MS4A13: variants seen among roughly 807,000 people sequenced by gnomAD.
The protein encoded by MS4A13 is membrane spanning 4-domains A13.
In MS4A13, 21 loss-of-function variants were observed where a neutral mutation model predicts 18.4. That is an observed-to-expected ratio of 1.14 (90% CI 0.81 to 1.64). MS4A13 has a LOEUF of 1.64. Among genes scored for constraint, MS4A13 ranks in the 40% most tolerant of loss-of-function variants. The pLI is 0.00. For missense variants in MS4A13, 173 were observed against 176.8 expected (o/e 0.98, Z 0.12); for synonymous variants, 62 against 57.2 (o/e 1.08, Z -0.38).
At chr11:60,521,812 A>T (rs1301432342) in intron 3 of MS4A13, among the ~76,000 whole-genome samples, 1 of 152,178 alleles carries the variant, frequency 6.6e-6, no homozygotes, top group Non-Finnish European at 1.5e-5. Flanking sequence ...TCCTGGTGCC[A>T]ATTTATTGTA....
chr11:60,522,231 G>GGTGT (rs2086680399), intron 3 of MS4A13, among the ~76,000 whole-genome samples: 1 of 109,178 alleles, frequency 9.2e-6, no homozygotes, highest in African/African-American at 4.4e-5. Context: ...TAGATAGATA[G>GGTGT]ATAGATAGAT....
At chr11:60,531,048 G>C (rs1273590761) in intron 6 of MS4A13, among the ~76,000 whole-genome samples, 1 of 152,138 alleles carries the variant, frequency 6.6e-6, no homozygotes, top group South Asian at 2.1e-4. Flanking sequence ...TTATAGCAGT[G>C]TGAAAACAGA....
intron 3 of MS4A13, 27 bp downstream of exon 3, chr11:60,518,239 T>C: frequency 6.5e-7 from 1 of 1,549,130 alleles, no homozygotes; most frequent in Non-Finnish European, 8.8e-7. Context: ...TATATTGCTT[T>C]AATCATACAA....
At chr11:60,517,166 A>C (rs2086642922) in intron 2 of MS4A13, among the ~76,000 whole-genome samples, 1 of 148,892 alleles carries the variant, frequency 6.7e-6, no homozygotes, top group Non-Finnish European at 1.5e-5. Context: ...GATCGTTACC[A>C]AAAAAGAGAC....
At chr11:60,527,038 A>G (rs1277775854) in intron 5 of MS4A13, among the ~76,000 whole-genome samples, 1 of 152,140 alleles carries the variant, frequency 6.6e-6, no homozygotes, top group East Asian at 1.9e-4. Context: ...CTACTTGGCT[A>G]TGTTTCTATC....
chr11:60,539,813 A>C (rs2086841991), intron 6 of MS4A13, among the ~76,000 whole-genome samples: 1 of 152,230 alleles, frequency 6.6e-6, no homozygotes, highest in African/African-American at 2.4e-5. Context: ...GGGATATTAA[A>C]GTGCAGGGGG....
intron 3 of MS4A13, among the ~76,000 whole-genome samples, chr11:60,522,197 C>CAGATAGATGAT (rs2086678461): frequency 5.4e-5 from 7 of 129,884 alleles, no homozygotes; most frequent in Admixed American, 1.8e-4. Context: ...AAAGATCAGA[C>CAGATAGATGAT]AGATAGATAG....
rs142109908 is a variant in MS4A13, at chr11:60,520,912, C to T, written c.129+2700C>T. On this transcript the variant is annotated intron_variant, in intron 3 of 6. Transcript: ENST00000378186. ...GGGCCCCGCCCCTGCAGCAAACTTC[C>T]GCTGGGCATCCAGGCAGTTCCATAT... Among the ~76,000 whole-genome samples, 951 of 152,364 alleles carry T rather than the reference C, an allele frequency of 6.2e-3. 8 individuals are homozygous for T. The highest frequency in any genetic ancestry group is 0.021 in the African/African-American group (883 of 41,582).
downstream of MS4A13, among the ~76,000 whole-genome samples, chr11:60,543,293 A>C (rs2086874988): frequency 6.6e-6 from 1 of 152,148 alleles, no homozygotes; most frequent in African/African-American, 2.4e-5. Flanking sequence ...TGTTTCACTA[A>C]TTGTTATCTA....
At chr11:60,531,960 C>T (rs1169246304) in intron 6 of MS4A13, among the ~76,000 whole-genome samples, 1 of 152,174 alleles carries the variant, frequency 6.6e-6, no homozygotes, top group African/African-American at 2.4e-5. Flanking sequence ...ACCACCACTC[C>T]TGGGAAATGA....
chr11:60,524,357 A>G (rs1461160152), intron 4 of MS4A13, among the ~76,000 whole-genome samples: 1 of 152,200 alleles, frequency 6.6e-6, no homozygotes, highest in Non-Finnish European at 1.5e-5. Flanking sequence ...ATTGGTCCAG[A>G]TTAAAGATCC....
rs559689267 is a variant in MS4A13 at position 60,532,380 on chromosome 11, G to A, written c.402+2920G>A. ...CCTGGGAAGCTCAAGGGGTCAGGGA[G>A]TTCCCTTTCCGAGTCAAAGAAAGGG... On this transcript the variant is annotated intron_variant, in intron 6 of 6. Transcript: ENST00000378186. 8.4e-3 allele frequency among the ~76,000 whole-genome samples: 1,284 copies of A among 152,320 alleles called. 7 individuals are homozygous for A. Among genetic ancestry groups the A allele is most frequent in the Middle Eastern group, 0.024 (7 of 294 alleles).
rs1039172222 is a variant in MS4A13, at chr11:60,523,233, C to T, written c.130-664C>T. 5.3e-5 allele frequency among the ~76,000 whole-genome samples: 8 copies of T among 152,230 alleles called. No homozygotes were observed. The East Asian group carries it at 1.5e-3, about 29-fold the overall frequency. ...ATAGCATGACAAAAATAGCCTTTGA[C>T]TTGGATCTTTAGTGTCTTATCAATA... On this transcript the variant is annotated intron_variant, in intron 3 of 6. Transcript: ENST00000378186.
chr11:60,538,444 T>C (rs1202926550), intron 6 of MS4A13, among the ~76,000 whole-genome samples: 3 of 151,438 alleles, frequency 2.0e-5, no homozygotes, highest in African/African-American at 7.3e-5. Flanking sequence ...AGAAAAGTAG[T>C]AAGTATATGA....
In MS4A13 at chr11:60,535,459, C is replaced by T. The variant is rs2086801344; in HGVS notation, c.402+5999C>T. Among the ~76,000 whole-genome samples, 4 of 137,508 alleles carry T rather than the reference C, an allele frequency of 2.9e-5. 1 individual carries two copies. The highest frequency in any genetic ancestry group is 1.6e-4 in the Admixed American group (2 of 12,694). 90.2% of individuals were successfully genotyped at this position (137,508 alleles called of 152,430 possible). On this transcript the variant is annotated intron_variant, in intron 6 of 6. Transcript: ENST00000378186. The stretch of plus-strand genomic sequence containing the variant: ...TACATTCCTCGACACATACACTCTG[C>T]CAAGACTAAACCAGGAAGAAGTAGA...
chr11:60,530,790 G>T (rs974780141), intron 6 of MS4A13, among the ~76,000 whole-genome samples: 10 of 152,134 alleles, frequency 6.6e-5, no homozygotes, highest in Admixed American at 5.2e-4. Context: ...CTGGATCATG[G>T]GGGCAGTTTT....
chr11:60,531,899 C>G (rs2086769972), intron 6 of MS4A13, among the ~76,000 whole-genome samples: 2 of 152,162 alleles, frequency 1.3e-5, no homozygotes. Flanking sequence ...TTCCAAGGTA[C>G]TGGGAGTTAG....
At chr11:60,521,947 G>A (rs1233430273) in intron 3 of MS4A13, among the ~76,000 whole-genome samples, 2 of 152,288 alleles carry the variant, frequency 1.3e-5, no homozygotes, top group East Asian at 1.9e-4. Context: ...CAGAAGGCAA[G>A]GAGGAGCAAG....
chr11:60,530,765 C>A lies in MS4A13; in HGVS notation c.402+1305C>A, dbSNP rs538711894. On this transcript the variant is annotated intron_variant, in intron 6 of 6. Coordinates refer to ENST00000378186, the MANE Select transcript of MS4A13 (RefSeq NM_001012417.3). ...TAATCCCCAGGTTTTGAGGGAGGAACCTGATGGGAGGAAACTGGATCATGG... is the reference window on the plus strand; with the variant it reads ...TAATCCCCAGGTTTTGAGGGAGGAAACTGATGGGAGGAAACTGGATCATGG... Among the ~76,000 whole-genome samples the A allele has an allele frequency of 8.5e-5, 13 of 152,252 alleles. No homozygotes were observed. In the South Asian group the frequency reaches 2.5e-3, roughly 29 times the overall value.
Sources: allele counts gnomAD v4.1 joint callset (sites outside exome capture counted in the v4.1 genomes callset), GRCh38; gene constraint gnomAD v4.1.1; transcripts MANE v1.5; gene names NCBI Gene and HGNC (gene_info 2026-07-23, HGNC 2026-07-21).